SCAPER: variants seen among roughly 807,000 people sequenced by gnomAD.
SCAPER encodes the protein S-phase cyclin A associated protein in the ER.
In SCAPER, 98 loss-of-function variants were observed where a neutral mutation model predicts 182.2. The observed-to-expected ratio is 0.54, with a 90% CI of 0.46 to 0.64. SCAPER has a LOEUF of 0.64. Among genes scored for constraint, SCAPER ranks in the 30% least tolerant of loss-of-function variants. SCAPER has a pLI of 0.00. For missense variants in SCAPER, 1,432 were observed against 1,690.0 expected (o/e 0.85, Z 2.68); for synonymous variants, 605 against 564.6 (o/e 1.07, Z -1.01).
chr15:76,423,456 A>G (rs556326883), intron 26 of SCAPER, among the ~76,000 whole-genome samples: 116 of 152,288 alleles, frequency 7.6e-4, no homozygotes, highest in African/African-American at 2.6e-3. Flanking sequence ...CTGTGGGATC[A>G]GTGGTGATAT....
At chr15:76,726,464 A>G (rs1222814294) in intron 17 of SCAPER, among the ~76,000 whole-genome samples, 1 of 151,894 alleles carries the variant, frequency 6.6e-6, no homozygotes, top group African/African-American at 2.4e-5. Context: ...CTTCAAAAAA[A>G]AACCAATAAA....
chr15:76,606,326 C>T (rs1302061457), intron 22 of SCAPER, among the ~76,000 whole-genome samples: 6 of 152,116 alleles, frequency 3.9e-5, no homozygotes, highest in South Asian at 4.2e-4. Context: ...TGTAGTTGAG[C>T]GGTTTTGAGT....
intron 29 of SCAPER, among the ~76,000 whole-genome samples, chr15:76,357,880 G>A (rs942264474): frequency 2.0e-5 from 3 of 152,146 alleles, no homozygotes; most frequent in Admixed American, 6.5e-5. Context: ...ATAAGTGGGA[G>A]CTAAATACTG....
chr15:76,381,719 A>C, intron 27 of SCAPER, 104 bp from the exon 28 acceptor site: 1 of 898,628 alleles, frequency 1.1e-6, no homozygotes, highest in Non-Finnish European at 1.7e-6. Flanking sequence ...AAAACAAACC[A>C]TCTGAGTTGT....
intron 22 of SCAPER, among the ~76,000 whole-genome samples, chr15:76,613,589 T>G (rs1007018984): frequency 2.0e-5 from 3 of 152,128 alleles, no homozygotes; most frequent in African/African-American, 7.2e-5. Flanking sequence ...GATTAAAAAG[T>G]GGGCAAAGGA....
intron 23 of SCAPER, among the ~76,000 whole-genome samples, chr15:76,555,482 G>A (rs1238764796): frequency 6.6e-6 from 1 of 152,144 alleles, no homozygotes; most frequent in Non-Finnish European, 1.5e-5. Flanking sequence ...CTGTCTTCAA[G>A]AGACTCATCT....
At chr15:76,905,016 C>A (rs1371399536) in intron 1 of SCAPER, among the ~76,000 whole-genome samples, 2 of 152,292 alleles carry the variant, frequency 1.3e-5, no homozygotes, top group African/African-American at 4.8e-5. Flanking sequence ...GTCCCTCACA[C>A]CCCAGATGAG....
intron 30 of SCAPER, among the ~76,000 whole-genome samples, chr15:76,352,641 C>T (rs1335113152): frequency 2.6e-5 from 4 of 151,874 alleles, no homozygotes; most frequent in South Asian, 4.2e-4. Flanking sequence ...ACAGAGACGG[C>T]GTTTTACTAT....
Position 76,604,689 on chromosome 15 carries a change from T to TC in SCAPER, c.2711+17074dup, listed in dbSNP as rs546776153. Among the ~76,000 whole-genome samples, 63 of 152,272 alleles carry TC rather than the reference T, an allele frequency of 4.1e-4. 2 individuals carry two copies. In the South Asian group the frequency reaches 0.013, roughly 31 times the overall value. On this transcript the variant is annotated intron_variant, in intron 22 of 31. Transcript: ENST00000563290. ...AATGTTCTTCCATTTGTCTGTATCCTCCTTTATTTCACTGAGCAGTGGTTT... is the reference window on the plus strand; with the variant it reads ...AATGTTCTTCCATTTGTCTGTATCCTCCCTTTATTTCACTGAGCAGTGGTTT...
chr15:76,639,508 T>C (rs1443054327), intron 21 of SCAPER, among the ~76,000 whole-genome samples: 2 of 152,104 alleles, frequency 1.3e-5, no homozygotes, highest in Non-Finnish European at 2.9e-5. Context: ...GGTATGAGAG[T>C]TGGGGCTGGA....
intron 5 of SCAPER, among the ~76,000 whole-genome samples, chr15:76,814,821 A>G (rs1568225835): frequency 6.6e-6 from 1 of 152,202 alleles, no homozygotes; most frequent in Non-Finnish European, 1.5e-5. Context: ...AACAGAATGA[A>G]AAAGCAGGCT....
chr15:76,630,492 C>A (rs183046432), intron 21 of SCAPER, among the ~76,000 whole-genome samples: 1 of 152,014 alleles, frequency 6.6e-6, no homozygotes, highest in African/African-American at 2.4e-5. Flanking sequence ...GATTCTGGCA[C>A]GTTGTCTCTT....
In SCAPER at chr15:76,771,779, C is replaced by T. The variant is rs1226453473; in HGVS notation, c.1211G>A (p.Arg404Lys). 6 of 1,613,116 alleles carry T rather than the reference C, an allele frequency of 3.7e-6. No homozygotes were observed. Among genetic ancestry groups the T allele is most frequent in the Non-Finnish European group, 5.1e-6 (6 of 1,179,412 alleles). ...TGAAGGGTCCATTTCATTTTCTATC[C>T]TTGCTTTCTCTGCTGGAAATTTTTC... The part of the protein sequence containing the change: ...NEEKFPAEKA[R>K]IENEMDPSDI... Residue 404 changes from arginine to lysine, a missense_variant, in exon 10 of 32, where the codon AGG becomes AAG. Arg to Lys is a conservative substitution (Grantham distance 26). This residue lies in a region of SCAPER where 480 missense variants were observed against 510.2 expected (regional missense o/e 0.94). Transcript: ENST00000563290.
At chr15:76,477,474 T>G (rs1178442800) in intron 24 of SCAPER, among the ~76,000 whole-genome samples, 2 of 152,214 alleles carry the variant, frequency 1.3e-5, no homozygotes, top group Non-Finnish European at 2.9e-5. Flanking sequence ...CAAATCATTC[T>G]GTACCACTCT....
chr15:76,812,681 T>C (rs949410063), intron 5 of SCAPER, among the ~76,000 whole-genome samples: 2 of 151,920 alleles, frequency 1.3e-5, no homozygotes, highest in South Asian at 2.1e-4. Context: ...TATATACCAA[T>C]ACATATATAA....
chr15:76,686,612 C>T (rs1397470560), intron 20 of SCAPER, among the ~76,000 whole-genome samples: 1 of 152,032 alleles, frequency 6.6e-6, no homozygotes, highest in Non-Finnish European at 1.5e-5. Flanking sequence ...GGAATGTTAA[C>T]ACCAACACTA....
chr15:76,622,529 T>C (rs1317305845), intron 21 of SCAPER, among the ~76,000 whole-genome samples: 2 of 152,108 alleles, frequency 1.3e-5, no homozygotes, highest in Non-Finnish European at 2.9e-5. Context: ...AATATCTAAA[T>C]TGGAATAAAA....
In SCAPER at chr15:76,795,448, G is replaced by A; in HGVS notation, c.612-8C>T. ...ACTGTGCCAGTTGAACCTCTATGGA[G>A]AAAAATAAACACATTTAATAAATTA... On this transcript the variant is annotated splice_polypyrimidine_tract_variant and splice_region_variant and intron_variant, in intron 7 of 31. Transcript: ENST00000563290. The A allele has an allele frequency of 6.6e-7, 1 of 1,520,146 alleles. No homozygotes were observed. The highest frequency in any genetic ancestry group is 1.4e-5 in the African/African-American group (1 of 71,320). The allele number at this position is 1,520,146 out of a possible 1,614,324, so 94.2% of individuals were successfully genotyped here.
At chr15:76,759,932 T>A (rs905857638) in intron 14 of SCAPER, among the ~76,000 whole-genome samples, 1 of 152,152 alleles carries the variant, frequency 6.6e-6, no homozygotes, top group African/African-American at 2.4e-5. Flanking sequence ...CCCTTTCTTG[T>A]GTTTCTATCT....
Sources: gnomAD v4.1 joint callset for allele counts (sites outside exome capture counted in the v4.1 genomes callset) on GRCh38, gnomAD v4.1.1 for gene constraint, gnomAD v4.1.1 regional missense constraint, MANE v1.5 for transcripts, NCBI Gene and HGNC (gene_info 2026-07-23, HGNC 2026-07-21) for gene names.